Variants in NLRP14 observed in about 807,000 individuals in gnomAD.
The protein encoded by NLRP14 is NLR family pyrin domain containing 14.
Under a neutral mutation model 94.7 loss-of-function variants are expected in NLRP14, and 105 were observed. The observed-to-expected ratio is 1.11, with a 90% CI of 0.95 to 1.30. The LOEUF is 1.30. NLRP14 is among the 50% of genes most tolerant of loss of function. The pLI is 0.00. For synonymous variants in NLRP14, 508 were observed against 459.9 expected (o/e 1.10, Z -1.34); for missense variants, 1,362 against 1,254.1 (o/e 1.09, Z -1.30).
the NLRP14 span, among the ~76,000 whole-genome samples, chr11:7,076,782 A>G: frequency 6.6e-6 from 1 of 152,138 alleles, no homozygotes; most frequent in African/African-American, 2.4e-5. Flanking sequence ...AACAGAAACC[A>G]TGAGCCTTTT....
chr11:7,059,390 A>G (rs541671900), intron 8 of NLRP14, among the ~76,000 whole-genome samples: 69 of 151,966 alleles, frequency 4.5e-4, no homozygotes, highest in African/African-American at 1.6e-3. Flanking sequence ...CATACTCTTC[A>G]TGGTTTAATT....
intron 1 of NLRP14, among the ~76,000 whole-genome samples, chr11:7,024,821 A>G (rs58158455): frequency 0.01 from 1,537 of 152,302 alleles, 20 homozygotes; most frequent in African/African-American, 0.033. Flanking sequence ...TGGAGGAGAA[A>G]AAATGGTCAC....
intron 4 of NLRP14, among the ~76,000 whole-genome samples, chr11:7,045,763 A>C (rs1852338583): frequency 6.6e-6 from 1 of 151,588 alleles, no homozygotes; most frequent in Non-Finnish European, 1.5e-5. Context: ...ATATACATAT[A>C]TATGTATATA....
chr11:7,074,156 G>A (rs1224331419), downstream of NLRP14, among the ~76,000 whole-genome samples: 5 of 152,328 alleles, frequency 3.3e-5, no homozygotes, highest in South Asian at 2.1e-4. Flanking sequence ...AATCACACTC[G>A]TATAATATCC....
chr11:7,080,577 T>C, the NLRP14 span, among the ~76,000 whole-genome samples: 1 of 152,180 alleles, frequency 6.6e-6, no homozygotes, highest in East Asian at 1.9e-4. Context: ...CAATTCTCCA[T>C]AGTACTTCCT....
At chr11:7,090,040 G>A in the NLRP14 span, 5 of 1,612,980 alleles carry the variant, frequency 3.1e-6, no homozygotes, top group South Asian at 1.1e-5. Context: ...GGAGGAGGCC[G>A]CTACGAGGAG....
At chr11:7,061,090 G>A (rs1852613113) in intron 9 of NLRP14, among the ~76,000 whole-genome samples, 1 of 152,130 alleles carries the variant, frequency 6.6e-6, no homozygotes, top group Admixed American at 6.6e-5. Context: ...GAGCTATAAA[G>A]TCAAGCTCTT....
the NLRP14 span, among the ~76,000 whole-genome samples, chr11:7,085,635 G>C: frequency 6.6e-6 from 1 of 151,036 alleles, no homozygotes; most frequent in African/African-American, 2.4e-5. Context: ...ATTGGTTCCA[G>C]GACCACCAAG....
intron 10 of NLRP14, among the ~76,000 whole-genome samples, chr11:7,064,552 G>T (rs1852676560): frequency 6.6e-6 from 1 of 152,052 alleles, no homozygotes. Context: ...AATGAAATCA[G>T]TTTGTGCCAT....
At chr11:7,037,820 A>G (rs1852182219) in intron 1 of NLRP14, among the ~76,000 whole-genome samples, 3 of 152,180 alleles carry the variant, frequency 2.0e-5, no homozygotes, top group Admixed American at 2.0e-4. Context: ...GGGTGAGAGC[A>G]TTAGAGTAAA....
chr11:7,081,441 C>A, the NLRP14 span, among the ~76,000 whole-genome samples: 13 of 151,800 alleles, frequency 8.6e-5, no homozygotes, highest in African/African-American at 3.1e-4. Flanking sequence ...GTCACAGAGT[C>A]CTCTGATGAG....
At chr11:7,067,183 G>A (rs1031838050) in intron 10 of NLRP14, among the ~76,000 whole-genome samples, 6 of 151,964 alleles carry the variant, frequency 3.9e-5, no homozygotes, top group Non-Finnish European at 5.9e-5. Context: ...TTGACTATAC[G>A]GGCTCTTTTT....
downstream of NLRP14, among the ~76,000 whole-genome samples, chr11:7,072,047 G>A (rs1354140724): frequency 6.6e-6 from 1 of 152,228 alleles, no homozygotes; most frequent in African/African-American, 2.4e-5. Context: ...AATTTTGTGT[G>A]TGTGTGTGAA....
the NLRP14 span, among the ~76,000 whole-genome samples, chr11:7,085,682 T>G: frequency 6.6e-6 from 1 of 152,220 alleles, no homozygotes; most frequent in Non-Finnish European, 1.5e-5. Flanking sequence ...TTATGTAGTA[T>G]TTGCATATAA....
intron 1 of NLRP14, among the ~76,000 whole-genome samples, chr11:7,030,988 A>G (rs1852084999): frequency 6.6e-6 from 1 of 152,228 alleles, no homozygotes; most frequent in South Asian, 2.1e-4. Flanking sequence ...TGGCCCCTCC[A>G]GCCAATGGGA....
At chr11:7,030,267 T>C (rs1255704723) in intron 1 of NLRP14, among the ~76,000 whole-genome samples, 7 of 152,234 alleles carry the variant, frequency 4.6e-5, no homozygotes, top group Admixed American at 6.5e-5. Context: ...GTTCTAGTCA[T>C]GTAGGATTTG....
intron 3 of NLRP14, among the ~76,000 whole-genome samples, chr11:7,040,506 A>T (rs1445797955): frequency 6.6e-6 from 1 of 152,290 alleles, no homozygotes; most frequent in Non-Finnish European, 1.5e-5. Flanking sequence ...TCCTACATCC[A>T]TGGAAAAATT....
chr11:7,089,816 C>T, the NLRP14 span: 4 of 1,607,582 alleles, frequency 2.5e-6, no homozygotes, highest in Non-Finnish European at 3.4e-6. Flanking sequence ...GGGGTTTTGC[C>T]CCCTCGCCCG....
chr11:7,078,148 A>G, the NLRP14 span, among the ~76,000 whole-genome samples: 8 of 152,152 alleles, frequency 5.3e-5, no homozygotes, highest in African/African-American at 1.4e-4. Flanking sequence ...AAGTTTAAAA[A>G]TTGAATTAGG....
Sources: gnomAD v4.1 joint callset for allele counts (sites outside exome capture counted in the v4.1 genomes callset) on GRCh38, gnomAD v4.1.1 for gene constraint, MANE v1.5 for transcripts, NCBI Gene and HGNC (gene_info 2026-07-23, HGNC 2026-07-21) for gene names.